The following SCAPER variants were observed in gnomAD, a reference collection of about 807,000 sequenced individuals.
SCAPER encodes the protein S-phase cyclin A associated protein in the ER.
In SCAPER, 98 loss-of-function variants were observed where a neutral mutation model predicts 182.2. The ratio of observed to expected loss-of-function variants is 0.54; its 90% CI spans 0.46 to 0.64. The LOEUF (loss-of-function observed/expected upper bound fraction) is 0.64, where lower values mean the gene tolerates loss of function less well. Among genes scored for constraint, SCAPER ranks in the 30% least tolerant of loss-of-function variants. SCAPER has a pLI of 0.00. For missense variants in SCAPER, 1,432 were observed against 1,690.0 expected, an observed-to-expected ratio of 0.85 and a Z score of 2.68; for synonymous variants, 605 against 564.6, an observed-to-expected ratio of 1.07 and a Z score of -1.01.
Position 76,767,046 on chromosome 15 carries a change from G to A in SCAPER, c.1291C>T (p.Arg431Cys), listed in dbSNP as rs749519165. The change falls in exon 11 of 32, where the codon CGT becomes TGT. Residue 431 changes from arginine to cysteine, a missense_variant. Arg to Cys is a radical substitution (Grantham distance 180). This residue lies in a region of SCAPER where 18 missense variants were observed against 46.0 expected (regional missense o/e 0.39). Transcript: ENST00000563290. ...VLAKKEELAD[R>C]LEKANEEAIA... ...GCTTCTTCATTGGCCTTTTCTAGAC[G>A]ATCTGCTAGCTCTTCTTTTTTAGCA... 8.7e-6 allele frequency: 14 copies of A among 1,601,326 alleles called. No individual in the cohort carries two copies. The highest frequency in any genetic ancestry group is 1.1e-5 in the South Asian group (1 of 89,316).
chr15:76,466,219 T>C (rs1037437780), intron 25 of SCAPER, among the ~76,000 whole-genome samples: 1 of 151,912 alleles, frequency 6.6e-6, no homozygotes, highest in Non-Finnish European at 1.5e-5. Flanking sequence ...GTTGGCTTGA[T>C]GGTATGCCAC....
At chr15:76,625,324 T>C (rs376444720) in intron 21 of SCAPER, among the ~76,000 whole-genome samples, 30 of 152,314 alleles carry the variant, frequency 2.0e-4, no homozygotes, top group African/African-American at 6.7e-4. Context: ...AGCACCCATA[T>C]GCAGAGGCAG....
At chr15:76,572,919 TCA>T (rs58395846) in intron 23 of SCAPER, among the ~76,000 whole-genome samples, 5 of 135,170 alleles carry the variant, frequency 3.7e-5, no homozygotes, top group African/African-American at 1.4e-4. Context: ...TCTCTCTCTC[TCA>T]CACACACACA....
At chr15:76,777,420 CA>C (rs761059966) in intron 8 of SCAPER, among the ~76,000 whole-genome samples, 5 of 152,062 alleles carry the variant, frequency 3.3e-5, no homozygotes, top group Non-Finnish European at 5.9e-5. Flanking sequence ...GGTTTGAGGC[CA>C]GGGGTGGTGG....
intron 10 of SCAPER, among the ~76,000 whole-genome samples, chr15:76,769,276 AC>A (rs1418130907): frequency 6.6e-6 from 1 of 151,732 alleles, no homozygotes; most frequent in East Asian, 1.9e-4. Context: ...CCCCGTTTCT[AC>A]TAAAAAATAC....
intron 29 of SCAPER, among the ~76,000 whole-genome samples, chr15:76,374,205 T>C (rs1269072186): frequency 1.3e-5 from 2 of 151,926 alleles, no homozygotes; most frequent in South Asian, 2.1e-4. Flanking sequence ...CTGGCCAAGA[T>C]GGTGAAACCC....
intron 1 of SCAPER, among the ~76,000 whole-genome samples, chr15:76,896,198 T>C (rs949483534): frequency 2.0e-5 from 3 of 151,408 alleles, no homozygotes; most frequent in East Asian, 3.9e-4. Flanking sequence ...GGCAAAACCC[T>C]GTCTCTACCA....
chr15:76,519,167 C>T (rs943394960), intron 23 of SCAPER, among the ~76,000 whole-genome samples: 5 of 152,122 alleles, frequency 3.3e-5, no homozygotes, highest in South Asian at 2.1e-4. Flanking sequence ...TAAGTTCATT[C>T]GAAGAGAAAT....
At chr15:76,812,272 C>T (rs982355393) in intron 5 of SCAPER, among the ~76,000 whole-genome samples, 5 of 152,168 alleles carry the variant, frequency 3.3e-5, no homozygotes, top group African/African-American at 7.2e-5. Flanking sequence ...CAAGATTGTG[C>T]CACTGCACCC....
At chr15:76,652,518 TACACACACACACACACACACACACAC>T (rs71143350) in intron 21 of SCAPER, among the ~76,000 whole-genome samples, 2 of 88,926 alleles carry the variant, frequency 2.2e-5, no homozygotes, top group African/African-American at 4.5e-5. Flanking sequence ...TTTACATACA[TACACACACACACACACACACACACAC>T]ACACACACAC....
At position 76,569,846 on chromosome 15, in the gene SCAPER, T is replaced by C. The variant is rs577695191; in HGVS notation, c.2838+4312A>G. ...TAATTTTTATTACTAAAATGTTCAG[T>C]TTTCAAATTCTGTTTTCTCAAATGT... is the stretch of plus-strand genomic sequence containing the variant. On this transcript the variant is annotated intron_variant, in intron 23 of 31. Coordinates refer to ENST00000563290, the MANE Select transcript of SCAPER (RefSeq NM_020843.4). Among the ~76,000 whole-genome samples, 3 of 152,218 alleles carry C rather than the reference T, an allele frequency of 2.0e-5. No homozygotes were observed. In the South Asian group the frequency reaches 6.2e-4, roughly 32 times the overall value.
At chr15:76,389,533 G>T (rs959579393) in intron 27 of SCAPER, among the ~76,000 whole-genome samples, 5 of 138,852 alleles carry the variant, frequency 3.6e-5, no homozygotes, top group African/African-American at 1.4e-4. Flanking sequence ...AAAAAAAAAG[G>T]CCGGGCGCGG....
chr15:76,805,140 G>A (rs899019489), intron 5 of SCAPER, among the ~76,000 whole-genome samples: 3 of 152,132 alleles, frequency 2.0e-5, no homozygotes, highest in Non-Finnish European at 2.9e-5. Flanking sequence ...CTGAATGACT[G>A]CATGAATATA....
At chr15:76,702,319 G>A (rs551188702) in intron 19 of SCAPER, among the ~76,000 whole-genome samples, 16 of 152,144 alleles carry the variant, frequency 1.1e-4, no homozygotes, top group South Asian at 1.0e-3. Context: ...CATTAAGCAG[G>A]TAATCATCCA....
In SCAPER at chr15:76,440,546, C is replaced by A. The variant is rs117106129; in HGVS notation, c.3079-6236G>T. 2.6e-3 allele frequency among the ~76,000 whole-genome samples: 393 copies of A among 152,076 alleles called. 17 individuals are homozygous for A. The East Asian group carries it at 0.066, about 26-fold the overall frequency. On this transcript the variant is annotated intron_variant, in intron 25 of 31. Transcript: ENST00000563290. ...ATATTTTCAAGCTGTACAGTGTATA[C>A]AGAATGCTCAGAATATGAATTAGGT...
intron 17 of SCAPER, among the ~76,000 whole-genome samples, chr15:76,718,037 G>A (rs565390708): frequency 1.4e-4 from 22 of 152,196 alleles, no homozygotes; most frequent in South Asian, 4.1e-4. Flanking sequence ...AAAACAAGTC[G>A]TCTTAACAAA....
intron 25 of SCAPER, among the ~76,000 whole-genome samples, chr15:76,442,697 C>G (rs573173100): frequency 6.6e-6 from 1 of 152,250 alleles, no homozygotes; most frequent in African/African-American, 2.4e-5. Flanking sequence ...AATGAGAAAA[C>G]AGAGGCTCAG....
chr15:76,594,418 G>A (rs2049348591), intron 22 of SCAPER, among the ~76,000 whole-genome samples: 1 of 121,298 alleles, frequency 8.2e-6, no homozygotes, highest in South Asian at 2.5e-4. Flanking sequence ...ATATTATCCA[G>A]GAGAACTTCC....
At chr15:76,384,670 T>C (rs1427833352) in intron 27 of SCAPER, among the ~76,000 whole-genome samples, 2 of 152,222 alleles carry the variant, frequency 1.3e-5, no homozygotes, top group Admixed American at 6.5e-5. Context: ...TAGTGCTTCA[T>C]GGAAAAGACC....
Sources: allele counts gnomAD v4.1 joint callset (sites outside exome capture counted in the v4.1 genomes callset), GRCh38; gene constraint gnomAD v4.1.1; regional missense constraint gnomAD v4.1.1; transcripts MANE v1.5; gene names NCBI Gene and HGNC (gene_info 2026-07-23, HGNC 2026-07-21).